STXBP5L: variants seen among roughly 807,000 people sequenced by gnomAD.
STXBP5L encodes the protein syntaxin binding protein 5L.
STXBP5L carries 65 observed loss-of-function variants against 144.5 expected under a neutral mutation model. The ratio of observed to expected loss-of-function variants is 0.45; its 90% CI spans 0.37 to 0.55. The LOEUF (loss-of-function observed/expected upper bound fraction) is 0.55, where lower values mean the gene tolerates loss of function less well. STXBP5L is among the 20% of genes least tolerant of loss of function. The probability of loss-of-function intolerance (pLI) is 0.00; values close to 1 mark genes in which losing one functional copy is unlikely to be tolerated. For synonymous variants in STXBP5L, 505 were observed against 469.6 expected, an observed-to-expected ratio of 1.08 and a Z score of -0.97; for missense variants, 1,298 against 1,405.5, an observed-to-expected ratio of 0.92 and a Z score of 1.22.
intron 3 of STXBP5L, among the ~76,000 whole-genome samples, chr3:120,980,832 G>A (rs1398870521): frequency 1.3e-5 from 2 of 152,100 alleles, no homozygotes; most frequent in East Asian, 3.8e-4. Flanking sequence ...GTGTTTTTAT[G>A]ATGGCATTGC....
At chr3:121,381,162 C>T (rs1318098737) in intron 21 of STXBP5L, 131 bp from the exon 22 acceptor site, 4 of 867,658 alleles carry the variant, frequency 4.6e-6, no homozygotes, top group Non-Finnish European at 5.1e-6. Flanking sequence ...GGATAAGCTC[C>T]CTCTCAGGTC....
intron 2 of STXBP5L, among the ~76,000 whole-genome samples, chr3:120,923,887 T>C (rs1709478764): frequency 3.9e-5 from 6 of 152,138 alleles, no homozygotes; most frequent in African/African-American, 1.4e-4. Context: ...TGATGTTTGT[T>C]GACTTTCTGG....
intron 7 of STXBP5L, among the ~76,000 whole-genome samples, chr3:121,142,910 A>T (rs531695563): frequency 2.6e-5 from 4 of 151,858 alleles, no homozygotes; most frequent in African/African-American, 7.2e-5. Flanking sequence ...TGAAATGGAT[A>T]AAAAAATCAA....
At chr3:121,271,043 G>C (rs1258794614) in intron 18 of STXBP5L, among the ~76,000 whole-genome samples, 1 of 152,102 alleles carries the variant, frequency 6.6e-6, no homozygotes, top group Non-Finnish European at 1.5e-5. Flanking sequence ...AGTTTGTGGG[G>C]AGATACTTGA....
chr3:121,372,920 A>G (rs1341569721), intron 20 of STXBP5L, among the ~76,000 whole-genome samples: 4 of 152,248 alleles, frequency 2.6e-5, no homozygotes, highest in Non-Finnish European at 5.9e-5. Context: ...TTAAAATTTT[A>G]AAAATTAAAG....
chr3:121,083,188 A>G (rs1312890843), intron 5 of STXBP5L, among the ~76,000 whole-genome samples: 1 of 151,798 alleles, frequency 6.6e-6, no homozygotes, highest in Non-Finnish European at 1.5e-5. Flanking sequence ...ACAGAGCAAG[A>G]CTCTGTCTCA....
At chr3:121,004,341 G>T (rs967984274) in intron 3 of STXBP5L, among the ~76,000 whole-genome samples, 7 of 151,916 alleles carry the variant, frequency 4.6e-5, no homozygotes, top group African/African-American at 1.2e-4. Context: ...TCATGATTTG[G>T]CTCTCTGTTT....
intron 19 of STXBP5L, among the ~76,000 whole-genome samples, chr3:121,305,470 A>G (rs2043305459): frequency 6.6e-6 from 1 of 152,168 alleles, no homozygotes; most frequent in Non-Finnish European, 1.5e-5. Flanking sequence ...ATCATAACCA[A>G]GGTGGATTTA....
intron 19 of STXBP5L, among the ~76,000 whole-genome samples, chr3:121,312,446 CTTTTTTTTTTTTTTT>C (rs58989280): frequency 3.1e-4 from 4 of 12,754 alleles, no homozygotes; most frequent in East Asian, 2.8e-3. Context: ...GTATGTCAAT[CTTTTTTTTTTTTTTT>C]TTTTTTTTTT....
At chr3:121,135,744 G>C (rs1243070902) in intron 7 of STXBP5L, among the ~76,000 whole-genome samples, 3 of 152,148 alleles carry the variant, frequency 2.0e-5, no homozygotes, top group Non-Finnish European at 4.4e-5. Context: ...TGTGTGGTCT[G>C]GTTCCTAACA....
chr3:121,111,087 A>G (rs967172920), intron 5 of STXBP5L, among the ~76,000 whole-genome samples: 4 of 152,176 alleles, frequency 2.6e-5, no homozygotes, highest in Non-Finnish European at 4.4e-5. Context: ...CAGCTCCATC[A>G]GGTCATTTAT....
chr3:121,152,376 T>G, intron 7 of STXBP5L, 101 bp from the exon 8 acceptor site: 3 of 819,196 alleles, frequency 3.7e-6, no homozygotes, highest in Non-Finnish European at 5.7e-6. Flanking sequence ...TAAATAAGGA[T>G]GTTATGTGGT....
intron 5 of STXBP5L, among the ~76,000 whole-genome samples, chr3:121,092,318 G>A (rs1576924072): frequency 6.6e-6 from 1 of 152,152 alleles, no homozygotes; most frequent in East Asian, 1.9e-4. Flanking sequence ...AAAGTCATTG[G>A]TAGCTTGATG....
intron 9 of STXBP5L, among the ~76,000 whole-genome samples, chr3:121,199,763 C>A (rs909373316): frequency 6.6e-6 from 1 of 152,016 alleles, no homozygotes; most frequent in Non-Finnish European, 1.5e-5. Context: ...GTCATTCGAT[C>A]TGTTTATGTG....
In STXBP5L at chr3:121,083,331, G is replaced by A. The variant is rs568226239; in HGVS notation, c.471-31594G>A. Reference sequence around the variant, plus strand: ...GTAGTCTTTATTTATAAATTTGAACGTTTTCCCTCTTGTATTTTCTGGAAG... The same window carrying A: ...GTAGTCTTTATTTATAAATTTGAACATTTTCCCTCTTGTATTTTCTGGAAG... On this transcript the variant is annotated intron_variant, in intron 5 of 26. Transcript: ENST00000471454. Among the ~76,000 whole-genome samples, 12 of 152,182 alleles carry A rather than the reference G, an allele frequency of 7.9e-5. No individual in the cohort carries two copies. In the East Asian group the frequency reaches 2.3e-3, roughly 29 times the overall value.
At chr3:120,941,043 T>C (rs2107652191) in intron 2 of STXBP5L, among the ~76,000 whole-genome samples, 1 of 151,972 alleles carries the variant, frequency 6.6e-6, no homozygotes, top group Non-Finnish European at 1.5e-5. Flanking sequence ...GTTTAAGTAC[T>C]ATAAATTTGT....
chr3:121,152,328 G>C (rs2045961247), intron 7 of STXBP5L, 149 bp from the exon 8 acceptor site: 2 of 561,950 alleles, frequency 3.6e-6, no homozygotes, highest in South Asian at 5.4e-5. Flanking sequence ...TTTTTTAAAT[G>C]TAGAAAACCT....
rs557106303 is a variant in STXBP5L at position 121,147,104 on chromosome 3, C to G, written c.670-5373C>G. On this transcript the variant is annotated intron_variant, in intron 7 of 26. Transcript: ENST00000471454. ...AAAATTAAAACCACATGATTAACAA[C>G]TTAACCAAGTTGACACATATAATAC... Among the ~76,000 whole-genome samples the G allele has an allele frequency of 3.9e-5, 6 of 152,040 alleles. No individual in the cohort carries two copies. In the East Asian group the frequency reaches 1.2e-3, roughly 29 times the overall value.
chr3:121,162,667 TC>T (rs2046365242), intron 9 of STXBP5L, among the ~76,000 whole-genome samples: 2 of 152,078 alleles, frequency 1.3e-5, no homozygotes, highest in Admixed American at 1.3e-4. Flanking sequence ...TTGCAATCTA[TC>T]CATCTGACAA....
Sources: gnomAD v4.1 joint callset for allele counts (sites outside exome capture counted in the v4.1 genomes callset) on GRCh38, gnomAD v4.1.1 for gene constraint, MANE v1.5 for transcripts, NCBI Gene and HGNC (gene_info 2026-07-23, HGNC 2026-07-21) for gene names.